Variants in DENND11 observed in about 807,000 individuals in gnomAD.
The protein encoded by DENND11 is DENN domain containing 11, also known as DENN domain-containing protein 11.
In DENND11, 34 loss-of-function variants were observed where a neutral mutation model predicts 49.2. The observed-to-expected ratio is 0.69, with a 90% CI of 0.53 to 0.92. The LOEUF (loss-of-function observed/expected upper bound fraction) is 0.92, where lower values mean the gene tolerates loss of function less well. Among genes scored for constraint, DENND11 ranks in the 40% least tolerant of loss-of-function variants. The probability of loss-of-function intolerance (pLI) is 0.00; values close to 1 mark genes in which losing one functional copy is unlikely to be tolerated. For synonymous variants in DENND11, 238 were observed against 230.3 expected (o/e 1.03, Z -0.30); for missense variants, 475 against 581.6 (o/e 0.82, Z 1.88).
chr7:141,700,058 CAAT>C (rs1563007251), intron 1 of DENND11, among the ~76,000 whole-genome samples: 1 of 152,156 alleles, frequency 6.6e-6, no homozygotes, highest in Non-Finnish European at 1.5e-5. Context: ...TGGCCAATAT[CAAT>C]AATTGATCAA....
intron 1 of DENND11, among the ~76,000 whole-genome samples, chr7:141,691,108 T>C (rs1410125606): frequency 6.6e-6 from 1 of 152,246 alleles, no homozygotes; most frequent in Non-Finnish European, 1.5e-5. Flanking sequence ...AAGGCTATGT[T>C]TCTCAGTACC....
intron 3 of DENND11, among the ~76,000 whole-genome samples, chr7:141,684,302 T>C (rs764711782): frequency 2.2e-4 from 33 of 152,246 alleles, no homozygotes; most frequent in Non-Finnish European, 4.1e-4. Context: ...TTTTTCATAA[T>C]TGTTTTTCTT....
intron 4 of DENND11, among the ~76,000 whole-genome samples, chr7:141,668,752 T>G (rs1029826488): frequency 2.0e-5 from 3 of 152,214 alleles, no homozygotes; most frequent in Non-Finnish European, 4.4e-5. Flanking sequence ...GCCACCTCCT[T>G]TCTTCTAAAA....
intron 4 of DENND11, among the ~76,000 whole-genome samples, chr7:141,673,147 GT>G (rs1798008534): frequency 6.6e-6 from 1 of 151,860 alleles, no homozygotes; most frequent in South Asian, 2.1e-4. Flanking sequence ...CTAGACCTCT[GT>G]TTAAATCTTA....
chr7:141,686,174 A>G (rs1211944860), intron 2 of DENND11, among the ~76,000 whole-genome samples: 1 of 152,164 alleles, frequency 6.6e-6, no homozygotes, highest in Non-Finnish European at 1.5e-5. Flanking sequence ...TGAATGCCCC[A>G]CTACACAGGA....
chr7:141,695,721 C>T (rs1217030555), intron 1 of DENND11, among the ~76,000 whole-genome samples: 1 of 152,166 alleles, frequency 6.6e-6, no homozygotes, highest in Non-Finnish European at 1.5e-5. Flanking sequence ...CATGGCTAGT[C>T]CATCAAAGAG....
At chr7:141,685,372 A>G (rs1474515108) in intron 3 of DENND11, 106 bp downstream of exon 3, 2 of 1,367,664 alleles carry the variant, frequency 1.5e-6, no homozygotes, top group Non-Finnish European at 2.0e-6. Context: ...GTTCTTGGAA[A>G]GACATCTGCT....
chr7:141,672,306 C>T (rs769502037), intron 4 of DENND11, among the ~76,000 whole-genome samples: 21 of 152,350 alleles, frequency 1.4e-4, no homozygotes, highest in Middle Eastern at 3.4e-3. Context: ...TCCCCTCTTG[C>T]TCTTGAGTAA....
At chr7:141,671,254 G>A (rs922922866) in intron 4 of DENND11, among the ~76,000 whole-genome samples, 1 of 152,168 alleles carries the variant, frequency 6.6e-6, no homozygotes, top group Admixed American at 6.5e-5. Flanking sequence ...TTGGCTCACT[G>A]CAACTTCTGC....
chr7:141,665,403 T>A, intron 5 of DENND11, 85 bp from the exon 6 acceptor site: 1 of 1,536,358 alleles, frequency 6.5e-7, no homozygotes, highest in Non-Finnish European at 8.9e-7. Flanking sequence ...ACACCTCTGC[T>A]CCAGGCTATC....
chr7:141,700,493 AG>A (rs1464047789), intron 1 of DENND11, among the ~76,000 whole-genome samples: 6 of 149,000 alleles, frequency 4.0e-5, no homozygotes, highest in Admixed American at 2.7e-4. Context: ...AAAAAAAAAG[AG>A]AGAGAAAAAA....
chr7:141,699,763 T>G (rs574926386), intron 1 of DENND11, among the ~76,000 whole-genome samples: 1 of 152,378 alleles, frequency 6.6e-6, no homozygotes, highest in Admixed American at 6.5e-5. Flanking sequence ...CCTGGTATGT[T>G]CCCTCATTTA....
intron 3 of DENND11, among the ~76,000 whole-genome samples, chr7:141,682,897 T>G (rs1421670972): frequency 6.6e-6 from 1 of 151,454 alleles, no homozygotes; most frequent in East Asian, 1.9e-4. Context: ...TTTAAAAGTG[T>G]CAAAATCCCA....
In DENND11 at chr7:141,662,759, CCCCGGGCATGCT is replaced by C; in HGVS notation, c.1253_1264del (p.Glu418_Arg421del). 3 of 1,610,250 alleles carry C rather than the reference CCCCGGGCATGCT, an allele frequency of 1.9e-6. No homozygotes were observed. Among genetic ancestry groups the C allele is most frequent in the Non-Finnish European group, 2.5e-6 (3 of 1,178,368 alleles). Reference sequence around the variant, plus strand: ...GTCTCCTTGGGGGTCTAGGCCCATGCCCCGGGCATGCTCTGCTGTCAGAGTTTTGTCTTGACT... The same window carrying C: ...GTCTCCTTGGGGGTCTAGGCCCATGCCTGCTGTCAGAGTTTTGTCTTGACT... On this transcript the variant is annotated inframe_deletion, in exon 9 of 9. Coordinates refer to ENST00000536163, the MANE Select transcript of DENND11 (RefSeq NM_001080392.2).
At position 141,674,108 on chromosome 7, in the gene DENND11, A is replaced by T. The variant is rs1449017630; in HGVS notation, c.640T>A (p.Trp214Arg). 1 of 1,602,606 alleles carries T rather than the reference A, an allele frequency of 6.2e-7. No individual in the cohort carries two copies. Among genetic ancestry groups the T allele is most frequent in the African/African-American group, 1.3e-5 (1 of 74,864 alleles). Residue 214 changes from tryptophan (W) to arginine (R), a missense_variant, in exon 4 of 9, where the codon TGG becomes AGG. Physicochemically the swap from Trp to Arg is moderately radical, Grantham distance 101 (BLOSUM62 -3). Transcript: ENST00000536163. ...ATGTATCGGTGGATGGAAGGCAGCC[A>T]GTAGACAGGGGGCAGGCTGCTGCCT... is the stretch of plus-strand genomic sequence containing the variant. ...GRGSSLPPVY[W>R]LPSIHRYMYP...
chr7:141,665,610 C>A (rs1797882651), intron 5 of DENND11, among the ~76,000 whole-genome samples: 1 of 152,126 alleles, frequency 6.6e-6, no homozygotes, highest in Admixed American at 6.5e-5. Context: ...CCTCTGTAAC[C>A]CTTGTGTCTT....
rs1332811376 is a variant in DENND11, at chr7:141,674,154, C to A, written c.594G>T (p.Val198=). The change falls in exon 4 of 9, where the codon GTG becomes GTT. Residue 198 remains valine (V), a synonymous_variant. Transcript: ENST00000536163. ...LAAFYEDKKG[V]LHAGPGRGSS... is the part of the protein sequence containing the mutation. ...TGCCTCTGCCGGGACCAGCATGGAG[C>A]ACCCCCTTTTTGTCCTCATAGAAGG... 1.3e-6 allele frequency: 2 copies of A among 1,574,056 alleles called. No individual in the cohort carries two copies. The highest frequency in any genetic ancestry group is 2.7e-5 in the African/African-American group (2 of 73,650).
In DENND11 at chr7:141,701,780, G is replaced by A; in HGVS notation, c.268+106C>T. On this transcript the variant is annotated intron_variant, in intron 1 of 8. Transcript: ENST00000536163. ...CGGGGCCGGCCCTGGTGCGGGGTGC[G>A]GGGCCGGGAGGGCAGGTGCGCGCGC... 3 of 949,682 alleles carry A rather than the reference G, an allele frequency of 3.2e-6. 1 individual carries two copies. Among genetic ancestry groups the A allele is most frequent in the Middle Eastern group, 8.9e-4 (2 of 2,248 alleles). The allele number at this position is 949,682 out of a possible 1,614,324, so 58.8% of individuals were successfully genotyped here.
chr7:141,698,849 C>G (rs1342959692), intron 1 of DENND11, among the ~76,000 whole-genome samples: 1 of 151,992 alleles, frequency 6.6e-6, no homozygotes, highest in Non-Finnish European at 1.5e-5. Context: ...CTCTCTCAGG[C>G]ACACACACTG....
Sources: gnomAD v4.1 joint callset for allele counts (sites outside exome capture counted in the v4.1 genomes callset) on GRCh38, gnomAD v4.1.1 for gene constraint, MANE v1.5 for transcripts, NCBI Gene and HGNC (gene_info 2026-07-23, HGNC 2026-07-21) for gene names.